CELF4: variants seen among roughly 807,000 people sequenced by gnomAD.
CELF4 encodes the protein CUG-BP- and ETR-3-like factor 4.
A neutral mutation model predicts 59.9 loss-of-function variants in CELF4; 18 were observed. The ratio of observed to expected loss-of-function variants is 0.30; its 90% CI spans 0.21 to 0.45. The LOEUF is 0.45. Among genes scored for constraint, CELF4 ranks in the 20% least tolerant of loss-of-function variants. CELF4 has a pLI of 1.00. For missense variants in CELF4, 456 were observed against 689.0 expected (o/e 0.66, Z 3.79); for synonymous variants, 261 against 267.1 (o/e 0.98, Z 0.22).
At chr18:37,354,543 G>A (rs913947267) in intron 2 of CELF4, among the ~76,000 whole-genome samples, 1 of 152,196 alleles carries the variant, frequency 6.6e-6, no homozygotes, top group Non-Finnish European at 1.5e-5. Flanking sequence ...TCTGGTTCCC[G>A]TAGGTAGGTA....
chr18:37,542,254 C>G (rs2099978345), intron 1 of CELF4, among the ~76,000 whole-genome samples: 1 of 152,218 alleles, frequency 6.6e-6, no homozygotes, highest in South Asian at 2.1e-4. Context: ...GTAAATGCTC[C>G]TTACTTAAAC....
intron 2 of CELF4, among the ~76,000 whole-genome samples, chr18:37,476,035 G>A (rs1544244): frequency 0.26 from 39,953 of 152,138 alleles, 5,768 homozygotes; most frequent in East Asian, 0.44. Flanking sequence ...TGAATTAGGA[G>A]TCACAGGACT....
intron 1 of CELF4, among the ~76,000 whole-genome samples, chr18:37,514,847 C>A (rs2099948847): frequency 6.6e-6 from 1 of 151,760 alleles, no homozygotes; most frequent in Non-Finnish European, 1.5e-5. Flanking sequence ...TTCAGTTCAA[C>A]TTTAACTGGA....
intron 3 of CELF4, among the ~76,000 whole-genome samples, chr18:37,311,743 C>G (rs1388070848): frequency 7.0e-6 from 1 of 143,738 alleles, no homozygotes; most frequent in Non-Finnish European, 1.5e-5. Context: ...GAGCCAGGAT[C>G]ATGCCACTGC....
At chr18:37,501,756 G>A (rs190136677) in intron 1 of CELF4, among the ~76,000 whole-genome samples, 6 of 152,338 alleles carry the variant, frequency 3.9e-5, no homozygotes, top group African/African-American at 1.2e-4. Context: ...GCAGTGGTTG[G>A]AGTGAACAAG....
At chr18:37,480,018 C>T (rs1174216361) in intron 2 of CELF4, among the ~76,000 whole-genome samples, 1 of 152,230 alleles carries the variant, frequency 6.6e-6, no homozygotes. Context: ...AACTGATTCT[C>T]CCTCACAGCC....
chr18:37,474,928 C>A (rs994976842), intron 2 of CELF4, among the ~76,000 whole-genome samples: 2 of 152,216 alleles, frequency 1.3e-5, no homozygotes, highest in African/African-American at 2.4e-5. Flanking sequence ...ACGCATGCAG[C>A]AAGCCAGAAA....
chr18:37,252,536 A>C (rs1600192462), intron 12 of CELF4, among the ~76,000 whole-genome samples: 3 of 148,918 alleles, frequency 2.0e-5, no homozygotes, highest in East Asian at 2.0e-4. Context: ...GGCCCTCCTC[A>C]CTCTCCCAGC....
chr18:37,275,183 C>T lies in CELF4; in HGVS notation c.509G>A (p.Arg170His). 6.2e-7 allele frequency: 1 copy of T among 1,613,672 alleles called. No individual in the cohort carries two copies. The highest frequency in any genetic ancestry group is 8.5e-7 in the Non-Finnish European group (1 of 1,179,876). The change falls in exon 4 of 13, where the codon CGC becomes CAC. Residue 170 changes from arginine (R) to histidine (H), a missense_variant. By Grantham distance (29) the Arg-to-His change is conservative. Transcript: ENST00000420428. ...GATGTTCCCAAAGGCCTCGAAAAGG[C>T]GGCGCACGTCGTCCTCGGACTGTTG... ...NKQQSEDDVR[R>H]LFEAFGNIEE... is the part of the protein sequence containing the mutation.
chr18:37,286,098 G>A (rs538444749), intron 3 of CELF4, among the ~76,000 whole-genome samples: 2 of 152,250 alleles, frequency 1.3e-5, no homozygotes, highest in South Asian at 2.1e-4. Context: ...AGCATGGGCG[G>A]GGGGAGGTTT....
chr18:37,368,408 T>TACA (rs1483321657), intron 2 of CELF4, among the ~76,000 whole-genome samples: 1 of 152,032 alleles, frequency 6.6e-6, no homozygotes, highest in Non-Finnish European at 1.5e-5. Context: ...CACAATGATG[T>TACA]ACACAGCAGG....
intron 1 of CELF4, among the ~76,000 whole-genome samples, chr18:37,519,504 C>T (rs937663566): frequency 4.6e-5 from 7 of 152,138 alleles, no homozygotes; most frequent in East Asian, 1.9e-4. Flanking sequence ...AGCATTTTGC[C>T]GTTGTTTGGA....
chr18:37,512,401 C>T (rs754395299), intron 1 of CELF4, among the ~76,000 whole-genome samples: 14 of 151,998 alleles, frequency 9.2e-5, no homozygotes, highest in Admixed American at 1.3e-4. Context: ...TCTCTTCCTC[C>T]GGTTCCCTTC....
chr18:37,380,950 A>G (rs1369086507), intron 2 of CELF4, among the ~76,000 whole-genome samples: 1 of 150,640 alleles, frequency 6.6e-6, no homozygotes, highest in East Asian at 2.0e-4. Flanking sequence ...CTATCCATGC[A>G]TCCATCATCT....
rs141808135 is a variant in CELF4 at position 37,391,684 on chromosome 18, T to A, written c.370-69803A>T. On this transcript the variant is annotated intron_variant, in intron 2 of 12. Transcript: ENST00000420428. Reference sequence around the variant, plus strand: ...CTCAATAAATGCTGGCTGGTCCACGTAGTGAATTCTCGCCTGAATCCCCTC... The same window carrying A: ...CTCAATAAATGCTGGCTGGTCCACGAAGTGAATTCTCGCCTGAATCCCCTC... Among the ~76,000 whole-genome samples the A allele has an allele frequency of 4.4e-3, 669 of 152,290 alleles. 6 individuals carry two copies. The highest frequency in any genetic ancestry group is 0.016 in the African/African-American group (647 of 41,574).
chr18:37,314,220 G>T lies in CELF4; in HGVS notation c.448+7583C>A, dbSNP rs569419319. Among the ~76,000 whole-genome samples, 9 of 152,362 alleles carry T rather than the reference G, an allele frequency of 5.9e-5. No individual in the cohort carries two copies. The East Asian group carries it at 1.5e-3, about 26-fold the overall frequency. The stretch of plus-strand genomic sequence containing the variant: ...CCAGCACTTTGGGAATCTGAGGCAG[G>T]TGGATCATTTGAGGTTAGGAGTTCA... On this transcript the variant is annotated intron_variant, in intron 3 of 12. Coordinates refer to ENST00000420428, the MANE Select transcript of CELF4 (RefSeq NM_020180.4).
intron 2 of CELF4, among the ~76,000 whole-genome samples, chr18:37,417,208 G>A (rs561572453): frequency 1.3e-5 from 2 of 152,312 alleles, no homozygotes; most frequent in South Asian, 4.1e-4. Context: ...GGCTCCAAGT[G>A]CAGGAGATAG....
At chr18:37,430,112 C>T (rs1223082726) in intron 2 of CELF4, among the ~76,000 whole-genome samples, 1 of 152,174 alleles carries the variant, frequency 6.6e-6, no homozygotes, top group Non-Finnish European at 1.5e-5. Context: ...GGAGGTAGAC[C>T]TTGGCTCTGT....
At chr18:37,348,868 G>T (rs888324414) in intron 2 of CELF4, among the ~76,000 whole-genome samples, 3 of 152,154 alleles carry the variant, frequency 2.0e-5, no homozygotes, top group Non-Finnish European at 4.4e-5. Flanking sequence ...AGTCACTCAA[G>T]GCCACCCTGG....
Sources: gnomAD v4.1 joint callset for allele counts (sites outside exome capture counted in the v4.1 genomes callset) on GRCh38, gnomAD v4.1.1 for gene constraint, MANE v1.5 for transcripts, NCBI Gene and HGNC (gene_info 2026-07-23, HGNC 2026-07-21) for gene names.